GPHN: variants seen among roughly 807,000 people sequenced by gnomAD.
GPHN encodes gephyrin.
A neutral mutation model predicts 95.5 loss-of-function variants in GPHN; 17 were observed. The observed-to-expected ratio is 0.18, with a 90% confidence interval of 0.12 to 0.27. The LOEUF (loss-of-function observed/expected upper bound fraction) is 0.27. Among genes scored for constraint, GPHN ranks in the 10% least tolerant of loss-of-function variants. The probability of loss-of-function intolerance (pLI) is 1.00; values close to 1 mark genes in which losing one functional copy is unlikely to be tolerated. For synonymous variants in GPHN, 320 were observed against 322.5 expected (o/e 0.99, Z 0.08); for missense variants, 660 against 978.1 (o/e 0.67, Z 4.34).
At chr14:67,224,952 A>C in the GPHN span, 1 of 587,150 alleles carries the variant, frequency 1.7e-6, no homozygotes. Context: ...GAATAAATAC[A>C]TTTTTGATGA....
chr14:66,851,902 C>T (rs2062599732), intron 4 of GPHN, among the ~76,000 whole-genome samples: 1 of 152,070 alleles, frequency 6.6e-6, no homozygotes, highest in South Asian at 2.1e-4. Context: ...ATAAAAGATG[C>T]TGAGAACCTA....
intron 3 of GPHN, among the ~76,000 whole-genome samples, chr14:66,814,124 G>T (rs1312682509): frequency 6.6e-6 from 1 of 152,100 alleles, no homozygotes; most frequent in Non-Finnish European, 1.5e-5. Context: ...CACCATTGCA[G>T]ACACCCTTGG....
At chr14:67,199,114 G>A in the GPHN span, 1 of 1,285,174 alleles carries the variant, frequency 7.8e-7, no homozygotes, top group South Asian at 1.2e-5. Flanking sequence ...GTGTACGTGG[G>A]GGGCCTGAAT....
chr14:67,034,641 G>T (rs2074333783), intron 10 of GPHN, among the ~76,000 whole-genome samples: 2 of 152,068 alleles, frequency 1.3e-5, no homozygotes, highest in African/African-American at 2.4e-5. Flanking sequence ...AGCAGTGGTG[G>T]CCATAGTTAT....
At chr14:66,710,029 T>C (rs1471926112) in intron 2 of GPHN, among the ~76,000 whole-genome samples, 1 of 151,688 alleles carries the variant, frequency 6.6e-6, no homozygotes, top group African/African-American at 2.4e-5. Flanking sequence ...GGGAGGGGAA[T>C]TTTTTAGCCA....
At chr14:67,467,113 T>A in the GPHN span, 3 of 151,988 alleles carry the variant, frequency 2.0e-5, no homozygotes, top group South Asian at 6.2e-4. Flanking sequence ...CCCAACCCCG[T>A]AGACAGCCAG....
At chr14:67,134,952 T>TG (rs2079967951) in intron 17 of GPHN, among the ~76,000 whole-genome samples, 1 of 133,202 alleles carries the variant, frequency 7.5e-6, no homozygotes, top group Non-Finnish European at 1.6e-5. Flanking sequence ...CTTTCTTTCT[T>TG]CTTTTTTTTT....
intron 8 of GPHN, among the ~76,000 whole-genome samples, chr14:66,958,936 A>C (rs1483713193): frequency 6.6e-6 from 1 of 151,884 alleles, no homozygotes; most frequent in Non-Finnish European, 1.5e-5. Context: ...TTCTGTATAG[A>C]TATTTTCTGG....
chr14:67,457,895 A>C, the GPHN span, among the ~76,000 whole-genome samples: 1 of 152,198 alleles, frequency 6.6e-6, no homozygotes, highest in Non-Finnish European at 1.5e-5. Context: ...CTGGCCTCTG[A>C]GGTGACAGAA....
At chr14:67,575,872 A>G in the GPHN span, 2 of 1,613,958 alleles carry the variant, frequency 1.2e-6, no homozygotes, top group East Asian at 4.5e-5. Flanking sequence ...GAGGAAGTAG[A>G]TCGATCCTGT....
In GPHN at chr14:67,181,665, C is replaced by T. The variant is rs537591861; in HGVS notation, c.*728C>T. The T allele has an allele frequency of 1.9e-5, 5 of 261,468 alleles. No individual in the cohort carries two copies. The highest frequency in any genetic ancestry group is 1.5e-4 in the South Asian group (3 of 20,188). 16.2% of individuals were successfully genotyped at this position (261,468 alleles called of 1,614,324 possible). On this transcript the variant is annotated 3_prime_UTR_variant, in exon 23 of 23. Transcript: ENST00000478722. Reference sequence around the variant, plus strand: ...AATAAAATCAAAGACTGATCTTGTACAGATATTAGTGTTACCAGCATTCAT... The same window carrying T: ...AATAAAATCAAAGACTGATCTTGTATAGATATTAGTGTTACCAGCATTCAT...
At chr14:66,523,973 G>C (rs1033825886) in intron 1 of GPHN, among the ~76,000 whole-genome samples, 2 of 152,038 alleles carry the variant, frequency 1.3e-5, no homozygotes, top group Non-Finnish European at 2.9e-5. Context: ...TGGGCAGTTA[G>C]AGTTAGAAGA....
intron 1 of GPHN, among the ~76,000 whole-genome samples, chr14:66,554,751 T>C (rs1218228727): frequency 1.3e-5 from 2 of 152,180 alleles, no homozygotes; most frequent in African/African-American, 4.8e-5. Context: ...TTTTAGTACT[T>C]GTACAAACTT....
intron 2 of GPHN, among the ~76,000 whole-genome samples, chr14:66,700,176 A>G (rs939230113): frequency 1.3e-5 from 2 of 152,212 alleles, no homozygotes; most frequent in Non-Finnish European, 2.9e-5. Context: ...TCAAAGAAAA[A>G]TTGGTATCAG....
intron 3 of GPHN, among the ~76,000 whole-genome samples, chr14:66,790,354 T>C (rs909965304): frequency 2.3e-4 from 35 of 152,122 alleles, no homozygotes; most frequent in African/African-American, 6.8e-4. Flanking sequence ...AGGCTGAAAA[T>C]TGAACCTGAA....
chr14:66,609,289 G>T (rs1051720693), intron 1 of GPHN, among the ~76,000 whole-genome samples: 4 of 152,110 alleles, frequency 2.6e-5, no homozygotes. Context: ...CTTCTGGCTT[G>T]TAAGTTTCTG....
intron 3 of GPHN, among the ~76,000 whole-genome samples, chr14:66,801,123 G>A (rs2060332525): frequency 6.6e-6 from 1 of 151,832 alleles, no homozygotes; most frequent in Non-Finnish European, 1.5e-5. Flanking sequence ...TTATTCTTGA[G>A]TTTATTCAAC....
At chr14:67,654,914 A>G in the GPHN span, among the ~76,000 whole-genome samples, 1 of 151,080 alleles carries the variant, frequency 6.6e-6, no homozygotes, top group Non-Finnish European at 1.5e-5. Flanking sequence ...CTGTAGTCCC[A>G]GCTACTCGGG....
At chr14:66,868,703 G>A (rs897682054) in intron 4 of GPHN, among the ~76,000 whole-genome samples, 9 of 151,956 alleles carry the variant, frequency 5.9e-5, no homozygotes, top group African/African-American at 2.2e-4. Context: ...CATATGTTCT[G>A]TACATTTTTA....
Sources: gnomAD v4.1 joint callset for allele counts (sites outside exome capture counted in the v4.1 genomes callset) on GRCh38, gnomAD v4.1.1 for gene constraint, MANE v1.5 for transcripts, NCBI Gene and HGNC (gene_info 2026-07-23, HGNC 2026-07-21) for gene names.